WLS: variants seen among roughly 807,000 people sequenced by gnomAD.
The protein encoded by WLS is protein wntless homolog.
A neutral mutation model predicts 62.8 loss-of-function variants in WLS; 23 were observed. The ratio of observed to expected loss-of-function variants is 0.37; its 90% CI spans 0.26 to 0.52. The LOEUF (loss-of-function observed/expected upper bound fraction) is 0.52, where lower values mean the gene tolerates loss of function less well. WLS is among the 20% of genes least tolerant of loss of function. The probability of loss-of-function intolerance (pLI) is 0.92; values close to 1 mark genes in which losing one functional copy is unlikely to be tolerated. For missense variants in WLS, 615 were observed against 697.3 expected, an observed-to-expected ratio of 0.88 and a Z score of 1.33; for synonymous variants, 246 against 244.1, an observed-to-expected ratio of 1.01 and a Z score of -0.07.
chr1:68,231,765 C>T, intron 1 of WLS: 1 of 469,474 alleles, frequency 2.1e-6, no homozygotes, highest in Non-Finnish European at 4.2e-6. Flanking sequence ...TTCCCCGACT[C>T]TTCTGTTGTT....
chr1:68,162,658 A>G, intron 2 of WLS: 1 of 1,239,944 alleles, frequency 8.1e-7, no homozygotes, highest in Non-Finnish European at 1.2e-6. Flanking sequence ...CCTCTGGTAC[A>G]GATTGAGGAT....
intron 11 of WLS, among the ~76,000 whole-genome samples, chr1:68,100,251 C>A (rs991278096): frequency 6.6e-6 from 1 of 152,158 alleles, no homozygotes; most frequent in African/African-American, 2.4e-5. Flanking sequence ...GGATCCTGGT[C>A]CCCTGGTTCT....
At chr1:68,212,039 G>A (rs532681004) in intron 1 of WLS, among the ~76,000 whole-genome samples, 3 of 152,294 alleles carry the variant, frequency 2.0e-5, no homozygotes, top group East Asian at 1.9e-4. Context: ...CTTTGTATCC[G>A]AGCTCCATTC....
chr1:68,214,370 CT>C (rs11338686), intron 1 of WLS, among the ~76,000 whole-genome samples: 64,470 of 148,208 alleles, frequency 0.43, 15,104 homozygotes, highest in Non-Finnish European at 0.56. Context: ...CAACTTACTC[CT>C]TTTTTTTTTT....
chr1:68,149,654 T>G (rs1261376943), intron 6 of WLS, among the ~76,000 whole-genome samples: 1 of 152,120 alleles, frequency 6.6e-6, no homozygotes, highest in African/African-American at 2.4e-5. Context: ...GAAATATGAT[T>G]TGGTGTCTGT....
At chr1:68,191,567 T>TA (rs1456421009) in intron 2 of WLS, among the ~76,000 whole-genome samples, 2 of 152,338 alleles carry the variant, frequency 1.3e-5, no homozygotes, top group Non-Finnish European at 2.9e-5. Flanking sequence ...CCCTCTTCCC[T>TA]AACCCGTTAC....
At chr1:68,162,557 G>T (rs772868196) in intron 2 of WLS, 11 of 1,580,132 alleles carry the variant, frequency 7.0e-6, no homozygotes, top group African/African-American at 1.3e-5. Flanking sequence ...ATTTCCCCAC[G>T]GATGCTGGCC....
intron 2 of WLS, chr1:68,162,135 A>G: frequency 6.6e-7 from 1 of 1,505,178 alleles, no homozygotes; most frequent in Non-Finnish European, 9.2e-7. Context: ...CAGTGTGAGG[A>G]GTGCAGATAA....
chr1:68,188,170 C>T lies in WLS; in HGVS notation c.379+5785G>A, dbSNP rs144532236. ...GTAACAGGCTGCTCGAAAGCAGCAA[C>T]ATACTACTCCTATAGTCAATTCTTA... is the stretch of plus-strand genomic sequence containing the variant. On this transcript the variant is annotated intron_variant, in intron 2 of 11. Transcript: ENST00000262348. Among the ~76,000 whole-genome samples the T allele has an allele frequency of 3.2e-4, 49 of 152,326 alleles. 1 individual carries two copies. The East Asian group carries it at 7.5e-3, about 23-fold the overall frequency.
chr1:68,182,993 C>A (rs1178320736), intron 2 of WLS, among the ~76,000 whole-genome samples: 2 of 152,084 alleles, frequency 1.3e-5, no homozygotes, highest in African/African-American at 4.8e-5. Context: ...CTCCACCTCC[C>A]AGGTTCAAGT....
At position 68,193,561 on chromosome 1, in the gene WLS, A is replaced by T. The variant is rs191713689; in HGVS notation, c.379+394T>A. On this transcript the variant is annotated intron_variant, in intron 2 of 11. Transcript: ENST00000262348. ...CAAAGCCCAGTGGAAAAAGACATTT[A>T]AAAAAAAATAAAAACCTTTCAGGAA... Among the ~76,000 whole-genome samples the T allele has an allele frequency of 4.7e-3, 715 of 150,610 alleles. 4 individuals are homozygous for T. Among genetic ancestry groups the T allele is most frequent in the African/African-American group, 0.016 (654 of 40,848 alleles).
intron 6 of WLS, 53 bp from the exon 7 acceptor site, chr1:68,148,713 A>G: frequency 1.3e-6 from 2 of 1,549,236 alleles, no homozygotes; most frequent in Non-Finnish European, 8.9e-7. Context: ...AGACCAAGCA[A>G]TTCTATGGGG....
At position 68,200,582 on chromosome 1, in the gene WLS, T is replaced by TC. The variant is rs397933652; in HGVS notation, c.107-6356dup. ...CCAGCTATTGCTTTTTTTTTTTTTT[T>TC]CCAGCTATTGCTTTTGAAACAACAG... On this transcript the variant is annotated intron_variant, in intron 1 of 11. Coordinates refer to ENST00000262348, the MANE Select transcript of WLS (RefSeq NM_024911.7). Among the ~76,000 whole-genome samples, 877 of 150,092 alleles carry TC rather than the reference T, an allele frequency of 5.8e-3. 6 individuals carry two copies. Among genetic ancestry groups the TC allele is most frequent in the South Asian group, 0.013 (62 of 4,792 alleles).
chr1:68,114,887 A>G (rs1197623116), intron 11 of WLS, among the ~76,000 whole-genome samples: 2 of 152,192 alleles, frequency 1.3e-5, no homozygotes, highest in East Asian at 1.9e-4. Flanking sequence ...TTGGGCAGGT[A>G]TAGGCTGGAG....
intron 11 of WLS, among the ~76,000 whole-genome samples, chr1:68,105,733 T>C (rs1038088234): frequency 2.0e-5 from 3 of 152,130 alleles, no homozygotes; most frequent in African/African-American, 4.8e-5. Context: ...TGGCCTCACA[T>C]TAAGGGAGCC....
At chr1:68,209,396 A>G (rs1454069049) in intron 1 of WLS, among the ~76,000 whole-genome samples, 1 of 152,218 alleles carries the variant, frequency 6.6e-6, no homozygotes, top group Non-Finnish European at 1.5e-5. Flanking sequence ...GTCATTTAGA[A>G]ATTATAATAA....
chr1:68,147,633 C>T (rs1646769906), intron 8 of WLS, among the ~76,000 whole-genome samples: 1 of 152,232 alleles, frequency 6.6e-6, no homozygotes, highest in African/African-American at 2.4e-5. Context: ...TGCCAACCAA[C>T]CAGAAGCCTT....
At chr1:68,194,483 G>T (rs1438591764) in intron 1 of WLS, among the ~76,000 whole-genome samples, 2 of 152,160 alleles carry the variant, frequency 1.3e-5, no homozygotes, top group Non-Finnish European at 2.9e-5. Context: ...AACCAGTCTA[G>T]TTATACTTCC....
chr1:68,203,418 T>C (rs1167400865), intron 1 of WLS, among the ~76,000 whole-genome samples: 1 of 152,218 alleles, frequency 6.6e-6, no homozygotes, highest in African/African-American at 2.4e-5. Flanking sequence ...CATAAGTAGC[T>C]TGCTGAAGCT....
Sources: gnomAD v4.1 joint callset for allele counts (sites outside exome capture counted in the v4.1 genomes callset) on GRCh38, gnomAD v4.1.1 for gene constraint, MANE v1.5 for transcripts, NCBI Gene and HGNC (gene_info 2026-07-23, HGNC 2026-07-21) for gene names.